The following KALRN variants were observed in gnomAD, a reference collection of about 807,000 sequenced individuals.
The protein encoded by KALRN is kalirin RhoGEF kinase, also known as kalirin.
A neutral mutation model predicts 353.7 loss-of-function variants in KALRN; 70 were observed. The ratio of observed to expected loss-of-function variants is 0.20; its 90% CI spans 0.16 to 0.24. The LOEUF is 0.24. Ranked by LOEUF, KALRN falls within the 10% of genes least tolerant of loss-of-function variation. The pLI is 1.00. For missense variants in KALRN, 2,791 were observed against 3,756.7 expected, an observed-to-expected ratio of 0.74 and a Z score of 6.72; for synonymous variants, 1,391 against 1,434.8, an observed-to-expected ratio of 0.97 and a Z score of 0.69.
chr3:124,512,359 A>G (rs1296874726), intron 33 of KALRN, among the ~76,000 whole-genome samples: 5 of 152,208 alleles, frequency 3.3e-5, no homozygotes, highest in Non-Finnish European at 5.9e-5. Flanking sequence ...GCTTTTAAAC[A>G]TGAAGGGGGT....
chr3:124,131,786 C>G (rs921010014), intron 1 of KALRN, among the ~76,000 whole-genome samples: 1 of 152,212 alleles, frequency 6.6e-6, no homozygotes, highest in Non-Finnish European at 1.5e-5. Flanking sequence ...CCTTGGACTA[C>G]TGTGGCCAAG....
chr3:124,166,138 C>A (rs541991521), intron 1 of KALRN, among the ~76,000 whole-genome samples: 1 of 152,278 alleles, frequency 6.6e-6, no homozygotes, highest in East Asian at 1.9e-4. Flanking sequence ...GTCCCCCACT[C>A]TACCATCCCA....
At chr3:124,229,245 CT>C (rs1190383239) in intron 2 of KALRN, among the ~76,000 whole-genome samples, 42 of 152,166 alleles carry the variant, frequency 2.8e-4, no homozygotes, top group African/African-American at 9.7e-4. Context: ...CCGGTGACCC[CT>C]GATATAATTG....
In KALRN at chr3:124,375,538, A is replaced by G. The variant is rs547628933; in HGVS notation, c.1771-9307A>G. On this transcript the variant is annotated intron_variant, in intron 10 of 59. Transcript: ENST00000682506. The stretch of plus-strand genomic sequence containing the variant: ...GTCAGGGACAGAATCTTTCCCTGCT[A>G]TATGTCTCAGGCCCCAGAGGGTGGC... Among the ~76,000 whole-genome samples, 24 of 152,202 alleles carry G rather than the reference A, an allele frequency of 1.6e-4. No homozygotes were observed. In the South Asian group the frequency reaches 5.0e-3, roughly 32 times the overall value.
At chr3:124,382,232 G>A (rs1262124569) in intron 10 of KALRN, among the ~76,000 whole-genome samples, 1 of 152,148 alleles carries the variant, frequency 6.6e-6, no homozygotes, top group African/African-American at 2.4e-5. Flanking sequence ...CTTGTCATGT[G>A]CGAAATATTT....
At chr3:124,362,335 C>T (rs144308868) in intron 10 of KALRN, among the ~76,000 whole-genome samples, 1 of 152,362 alleles carries the variant, frequency 6.6e-6, no homozygotes, top group East Asian at 1.9e-4. Context: ...AGCCCACTCT[C>T]AAGTTGTGAC....
rs1298410780 is a variant in KALRN, at chr3:124,496,202, A to G, written c.4833-109A>G. The G allele has an allele frequency of 5.5e-6, 4 of 731,804 alleles. No individual in the cohort carries two copies. In the East Asian group the frequency reaches 1.0e-4, roughly 19 times the overall value. The allele number at this position is 731,804 out of a possible 1,614,324, so 45.3% of individuals were successfully genotyped here. On this transcript the variant is annotated intron_variant, in intron 32 of 59. Coordinates refer to ENST00000682506, the MANE Select transcript of KALRN (RefSeq NM_001388419.1). ...ATAATTTTAGACAAATCCCTGCTAG[A>G]AAGTGCTGAGGCGCTGCTCTGCCCA... is the stretch of plus-strand genomic sequence containing the variant.
chr3:124,311,755 A>G (rs2078291266), intron 6 of KALRN, among the ~76,000 whole-genome samples: 2 of 152,246 alleles, frequency 1.3e-5, no homozygotes, highest in Admixed American at 6.5e-5. Flanking sequence ...AAGTTTCCAT[A>G]AACTGATGAA....
intron 14 of KALRN, among the ~76,000 whole-genome samples, chr3:124,417,575 C>A (rs1307355710): frequency 6.6e-6 from 1 of 152,180 alleles, no homozygotes; most frequent in Non-Finnish European, 1.5e-5. Context: ...CTGAGAAGAA[C>A]CCAACCCCAA....
chr3:124,450,854 C>T (rs550793487), intron 21 of KALRN, among the ~76,000 whole-genome samples: 10 of 152,104 alleles, frequency 6.6e-5, no homozygotes, highest in East Asian at 1.9e-4. Flanking sequence ...TGAGCCACCG[C>T]GCCTGGTCTT....
chr3:124,572,341 C>CA (rs1425250961), intron 34 of KALRN, among the ~76,000 whole-genome samples: 24 of 147,654 alleles, frequency 1.6e-4, no homozygotes, highest in Non-Finnish European at 3.1e-4. Flanking sequence ...AAACAAAAAA[C>CA]AAAAAACAAA....
intron 11 of KALRN, among the ~76,000 whole-genome samples, chr3:124,394,069 C>G (rs1239331257): frequency 1.3e-5 from 2 of 152,202 alleles, no homozygotes; most frequent in African/African-American, 4.8e-5. Context: ...TGGAAACTAA[C>G]CAATTTATTT....
rs573773827 is a variant in KALRN at position 124,599,596 on chromosome 3, G to T, written c.5183-32824G>T. ...TGGCAGGGTTCAGCTGAGTCTGCAT[G>T]ACCCTCTTTGGGCAATGCTGTAGAC... On this transcript the variant is annotated intron_variant, in intron 34 of 59. Coordinates refer to ENST00000682506, the MANE Select transcript of KALRN (RefSeq NM_001388419.1). Among the ~76,000 whole-genome samples, 7 of 152,300 alleles carry T rather than the reference G, an allele frequency of 4.6e-5. No homozygotes were observed. In the East Asian group the frequency reaches 1.3e-3, roughly 29 times the overall value.
chr3:124,713,361 G>T (rs531624453), intron 58 of KALRN, among the ~76,000 whole-genome samples: 1 of 152,278 alleles, frequency 6.6e-6, no homozygotes, highest in South Asian at 2.1e-4. Flanking sequence ...AGCTCCTTAA[G>T]ACTAGGAATG....
intron 5 of KALRN, among the ~76,000 whole-genome samples, chr3:124,292,402 G>C (rs2076500637): frequency 6.6e-6 from 1 of 152,210 alleles, no homozygotes; most frequent in Non-Finnish European, 1.5e-5. Flanking sequence ...AAGAGCCAAA[G>C]GAACTGAGTC....
At chr3:124,395,691 G>C (rs1422735221) in intron 12 of KALRN, 12 of 270,376 alleles carry the variant, frequency 4.4e-5, no homozygotes, top group Non-Finnish European at 3.6e-5. Context: ...AGACATTATG[G>C]AACATAGTGT....
chr3:124,465,526 C>T (rs1235147900), intron 25 of KALRN, among the ~76,000 whole-genome samples: 1 of 152,170 alleles, frequency 6.6e-6, no homozygotes, highest in Non-Finnish European at 1.5e-5. Flanking sequence ...CCCATCACTA[C>T]AAGAACCATC....
Position 124,468,661 on chromosome 3 carries a change from A to G in KALRN, c.4032-6002A>G, listed in dbSNP as rs147655708. On this transcript the variant is annotated intron_variant, in intron 25 of 59. Transcript: ENST00000682506. ...AGATAATCTAGTTCTCCCTTGCTCTATAGAAACTGAAACTTACAAAGGTTT... is the reference window on the plus strand; with the variant it reads ...AGATAATCTAGTTCTCCCTTGCTCTGTAGAAACTGAAACTTACAAAGGTTT... Among the ~76,000 whole-genome samples, 356 of 152,358 alleles carry G rather than the reference A, an allele frequency of 2.3e-3. 2 individuals are homozygous for G. Among genetic ancestry groups the G allele is most frequent in the Non-Finnish European group, 4.5e-3 (306 of 68,026 alleles).
intron 5 of KALRN, among the ~76,000 whole-genome samples, chr3:124,285,725 G>T (rs970879007): frequency 1.3e-5 from 2 of 152,024 alleles, no homozygotes; most frequent in African/African-American, 4.8e-5. Flanking sequence ...TAGTAGAGAT[G>T]GGGTTTTGCC....
Sources: gnomAD v4.1 joint callset for allele counts (sites outside exome capture counted in the v4.1 genomes callset) on GRCh38, gnomAD v4.1.1 for gene constraint, MANE v1.5 for transcripts, NCBI Gene and HGNC (gene_info 2026-07-23, HGNC 2026-07-21) for gene names.